The following EYS variants were observed in gnomAD, a reference collection of about 807,000 sequenced individuals.
EYS encodes the protein protein eyes shut homolog.
In EYS, 250 loss-of-function variants were observed where a neutral mutation model predicts 282.1. That is an observed-to-expected ratio of 0.89 (90% CI 0.80 to 0.98). The LOEUF (loss-of-function observed/expected upper bound fraction) is 0.98, where lower values mean the gene tolerates loss of function less well. Among genes scored for constraint, EYS ranks in the 50% least tolerant of loss-of-function variants. The pLI is 0.00. For synonymous variants in EYS, 1,355 were observed against 1,282.9 expected (o/e 1.06, Z -1.20); for missense variants, 4,016 against 3,709.0 (o/e 1.08, Z -2.15).
chr6:65,591,548 T>G (rs141281222), intron 2 of EYS, among the ~76,000 whole-genome samples: 153 of 152,170 alleles, frequency 1.0e-3, no homozygotes, highest in African/African-American at 3.6e-3. Context: ...TTTATTTTCT[T>G]GCCTTTTTAG....
intron 30 of EYS, among the ~76,000 whole-genome samples, chr6:64,284,593 C>T (rs1768429523): frequency 2.6e-5 from 4 of 152,130 alleles, no homozygotes; most frequent in African/African-American, 9.7e-5. Context: ...GGGGCTCCAA[C>T]CCCACATTTC....
chr6:64,270,760 C>T (rs759961455), intron 30 of EYS, among the ~76,000 whole-genome samples: 1 of 152,162 alleles, frequency 6.6e-6, no homozygotes, highest in Non-Finnish European at 1.5e-5. Flanking sequence ...CTGGTTTAGT[C>T]TCTTCAGCCC....
intron 2 of EYS, among the ~76,000 whole-genome samples, chr6:65,569,700 A>G (rs1407401653): frequency 1.3e-5 from 2 of 151,996 alleles, no homozygotes; most frequent in African/African-American, 4.8e-5. Context: ...CCAGGATCTG[A>G]CTCAACACAA....
chr6:65,342,265 A>G (rs956681760), intron 10 of EYS, among the ~76,000 whole-genome samples: 6 of 151,108 alleles, frequency 4.0e-5, no homozygotes, highest in Non-Finnish European at 7.4e-5. Flanking sequence ...GAAATATTCT[A>G]TAATTATGTC....
At chr6:64,304,164 C>T (rs552991898) in intron 30 of EYS, among the ~76,000 whole-genome samples, 3 of 152,238 alleles carry the variant, frequency 2.0e-5, no homozygotes, top group South Asian at 4.1e-4. Context: ...ACAGCAGAGC[C>T]CCTTAGCCAC....
intron 8 of EYS, among the ~76,000 whole-genome samples, chr6:65,363,864 A>T (rs1764810223): frequency 6.6e-6 from 1 of 151,704 alleles, no homozygotes; most frequent in Non-Finnish European, 1.5e-5. Flanking sequence ...TTTTTGTATA[A>T]TCAAATTTTA....
intron 9 of EYS, among the ~76,000 whole-genome samples, chr6:65,350,813 A>T (rs1024193932): frequency 2.0e-5 from 3 of 151,646 alleles, no homozygotes; most frequent in African/African-American, 4.8e-5. Flanking sequence ...CTTCTAATTA[A>T]TCACCATCCC....
intron 31 of EYS, among the ~76,000 whole-genome samples, chr6:64,085,805 C>G (rs1772138299): frequency 6.6e-6 from 1 of 152,096 alleles, no homozygotes; most frequent in Non-Finnish European, 1.5e-5. Flanking sequence ...GTTTGTTGGC[C>G]TTCTACACAC....
chr6:65,119,537 C>T (rs1775465745), intron 12 of EYS, among the ~76,000 whole-genome samples: 1 of 151,812 alleles, frequency 6.6e-6, no homozygotes, highest in Non-Finnish European at 1.5e-5. Flanking sequence ...TCTACTCAAT[C>T]TAGTATTCCC....
At chr6:65,666,938 T>C (rs184657480) in intron 1 of EYS, among the ~76,000 whole-genome samples, 10 of 149,796 alleles carry the variant, frequency 6.7e-5, no homozygotes, top group Admixed American at 4.7e-4. Context: ...GAAACGTAAA[T>C]CTACATTGCC....
intron 31 of EYS, among the ~76,000 whole-genome samples, chr6:64,154,766 A>G (rs1774860412): frequency 6.6e-6 from 1 of 152,202 alleles, no homozygotes; most frequent in Middle Eastern, 3.2e-3. Context: ...ACTATTTTAC[A>G]ACTATTTGTA....
intron 2 of EYS, among the ~76,000 whole-genome samples, chr6:65,552,339 G>A (rs4524589): frequency 0.55 from 83,524 of 152,008 alleles, 22,981 homozygotes; most frequent in East Asian, 0.71. Context: ...TTAGAAGTAA[G>A]AATCCACTAA....
intron 13 of EYS, among the ~76,000 whole-genome samples, chr6:65,045,548 C>A (rs146701080): frequency 2.6e-5 from 4 of 151,814 alleles, no homozygotes; most frequent in Admixed American, 2.6e-4. Flanking sequence ...GACTACAGTC[C>A]TTATAGAAGA....
rs1034133244 is a variant in EYS at position 64,890,120 on chromosome 6, C to A, written c.2847-3278G>T. 7.3e-5 allele frequency among the ~76,000 whole-genome samples: 11 copies of A among 150,494 alleles called. No homozygotes were observed. The South Asian group carries it at 1.7e-3, about 23-fold the overall frequency. ...TAAAATAGACCCCAGTCTCCCATAG[C>A]GCTCCCAGGCTTATTAGGAAGAGGA... On this transcript the variant is annotated intron_variant, in intron 18 of 42. Transcript: ENST00000503581.
At chr6:63,874,397 G>A (rs1772906689) in intron 35 of EYS, among the ~76,000 whole-genome samples, 1 of 152,100 alleles carries the variant, frequency 6.6e-6, no homozygotes, top group Non-Finnish European at 1.5e-5. Context: ...TGTTACCATA[G>A]CCTTGTAGTA....
At chr6:64,477,856 T>C (rs1776320413) in intron 26 of EYS, among the ~76,000 whole-genome samples, 1 of 152,088 alleles carries the variant, frequency 6.6e-6, no homozygotes, top group Non-Finnish European at 1.5e-5. Context: ...CAAAAATATT[T>C]CAGAAAATAT....
intron 22 of EYS, among the ~76,000 whole-genome samples, chr6:64,808,022 T>TCCCTCCCTCCTTCCG: frequency 6.8e-6 from 1 of 147,972 alleles, no homozygotes. Context: ...CCCTCCTTCC[T>TCCCTCCCTCCTTCCG]TCCTCCCTCC....
At chr6:64,028,552 A>G (rs932048539) in intron 33 of EYS, among the ~76,000 whole-genome samples, 2 of 152,134 alleles carry the variant, frequency 1.3e-5, no homozygotes, top group Non-Finnish European at 2.9e-5. Context: ...ATAGTTCTGG[A>G]CCTCAAGGAT....
intron 12 of EYS, among the ~76,000 whole-genome samples, chr6:65,118,878 GAA>G (rs528289808): frequency 5.7e-5 from 5 of 87,258 alleles, no homozygotes; most frequent in African/African-American, 5.1e-5. Context: ...GTTCTTTAAG[GAA>G]AAAAAAAAAA....
Sources: allele counts gnomAD v4.1 joint callset (sites outside exome capture counted in the v4.1 genomes callset), GRCh38; gene constraint gnomAD v4.1.1; transcripts MANE v1.5; gene names NCBI Gene and HGNC (gene_info 2026-07-23, HGNC 2026-07-21).